RANBP2: variants seen among roughly 807,000 people sequenced by gnomAD.
The protein encoded by RANBP2 is RAN binding protein 2, also known as E3 SUMO-protein ligase RanBP2.
RANBP2 carries 57 observed loss-of-function variants against 303.6 expected under a neutral mutation model. That is an observed-to-expected ratio of 0.19 (90% CI 0.15 to 0.23). The LOEUF is 0.23. Ranked by LOEUF, RANBP2 falls within the 10% of genes least tolerant of loss-of-function variation. The pLI, the probability that RANBP2 is intolerant of heterozygous loss-of-function variation, is 1.00. For synonymous variants in RANBP2, 1,167 were observed against 1,301.5 expected (o/e 0.90, Z 2.23); for missense variants, 3,138 against 3,780.8 (o/e 0.83, Z 4.46).
At chr2:108,794,718 G>C in the RANBP2 span, 2 of 1,602,072 alleles carry the variant, frequency 1.2e-6, no homozygotes, top group African/African-American at 2.7e-5. Context: ...ATCTGAAATT[G>C]CAGGTAAGAA....
chr2:109,600,345 T>C, the RANBP2 span, among the ~76,000 whole-genome samples: 1 of 152,118 alleles, frequency 6.6e-6, no homozygotes, highest in Admixed American at 6.5e-5. Context: ...TCTCCTACAC[T>C]GCTAGCTCCT....
intron 20 of RANBP2, among the ~76,000 whole-genome samples, chr2:108,771,067 G>A (rs1677463359): frequency 6.6e-6 from 1 of 151,786 alleles, no homozygotes; most frequent in Non-Finnish European, 1.5e-5. Flanking sequence ...CCTTTGCATT[G>A]ATGGTGGCTG....
chr2:109,567,968 AAT>A, the RANBP2 span: 1 of 1,595,754 alleles, frequency 6.3e-7, no homozygotes, highest in South Asian at 1.1e-5. Context: ...TCACTGGTAT[AAT>A]GTTTACCTAT....
chr2:109,018,889 G>GT, the RANBP2 span, among the ~76,000 whole-genome samples: 31 of 152,220 alleles, frequency 2.0e-4, no homozygotes, highest in Admixed American at 2.0e-3. Flanking sequence ...GAGAGTAAGT[G>GT]TTTGCTCACC....
the RANBP2 span, among the ~76,000 whole-genome samples, chr2:109,123,980 TTTTATTTATTTATTTATTTATTTA>T: frequency 2.0e-5 from 3 of 147,508 alleles, no homozygotes; most frequent in Non-Finnish European, 3.0e-5. Context: ...TTCTTTTCAG[TTTTATTTATTTATTTATTTATTTA>T]TTTATTTATT....
chr2:109,347,030 G>A, the RANBP2 span, among the ~76,000 whole-genome samples: 4 of 152,120 alleles, frequency 2.6e-5, no homozygotes, highest in African/African-American at 2.4e-5. Context: ...TGTGTGTACC[G>A]CTGGCCATGA....
chr2:109,382,888 C>T, the RANBP2 span, among the ~76,000 whole-genome samples: 20 of 152,244 alleles, frequency 1.3e-4, no homozygotes, highest in Admixed American at 1.3e-3. Context: ...TGCAGCTTCT[C>T]CTCCCACCAT....
At chr2:109,542,834 ACT>A in the RANBP2 span, 1 of 152,318 alleles carries the variant, frequency 6.6e-6, no homozygotes, top group African/African-American at 2.4e-5. Context: ...AACTTAGATG[ACT>A]CTATGATTGC....
chr2:109,406,878 A>AG, the RANBP2 span, among the ~76,000 whole-genome samples: 7,740 of 152,174 alleles, frequency 0.051, 372 homozygotes, highest in African/African-American at 0.12. Context: ...CGCCCTGTTG[A>AG]GGGGTGGGCA....
At chr2:108,952,983 T>C in the RANBP2 span, among the ~76,000 whole-genome samples, 1 of 152,204 alleles carries the variant, frequency 6.6e-6, no homozygotes, top group Non-Finnish European at 1.5e-5. Flanking sequence ...TCTGAGGTCT[T>C]TTTAAAAAAC....
At chr2:109,057,068 T>A in the RANBP2 span, among the ~76,000 whole-genome samples, 1 of 152,238 alleles carries the variant, frequency 6.6e-6, no homozygotes, top group East Asian at 1.9e-4. Context: ...ATTACCCAGT[T>A]ATCTTTTGAA....
the RANBP2 span, among the ~76,000 whole-genome samples, chr2:109,059,618 A>G: frequency 6.6e-6 from 1 of 150,722 alleles, no homozygotes; most frequent in African/African-American, 2.4e-5. Flanking sequence ...TGTCCAGGGC[A>G]GGGAGCAACT....
At chr2:109,677,766 A>G in the RANBP2 span, among the ~76,000 whole-genome samples, 9 of 152,192 alleles carry the variant, frequency 5.9e-5, no homozygotes, top group Non-Finnish European at 8.8e-5. Flanking sequence ...TCTTTCCTAA[A>G]TAAAGCCAAG....
At chr2:109,279,424 T>A in the RANBP2 span, among the ~76,000 whole-genome samples, 1 of 152,206 alleles carries the variant, frequency 6.6e-6, no homozygotes, top group Non-Finnish European at 1.5e-5. Context: ...TCCCTTGACC[T>A]CCTCCTGTCT....
the RANBP2 span, among the ~76,000 whole-genome samples, chr2:109,640,457 A>G: frequency 6.6e-6 from 1 of 152,176 alleles, no homozygotes; most frequent in Non-Finnish European, 1.5e-5. Context: ...ATCTTAAATA[A>G]ATAAATAAAT....
chr2:109,491,258 C>T, the RANBP2 span, among the ~76,000 whole-genome samples: 28 of 152,308 alleles, frequency 1.8e-4, no homozygotes, highest in African/African-American at 5.8e-4. Context: ...TCTGTGCCCC[C>T]TCAACCCTGG....
At chr2:109,250,507 A>G in the RANBP2 span, among the ~76,000 whole-genome samples, 1 of 151,932 alleles carries the variant, frequency 6.6e-6, no homozygotes, top group South Asian at 2.1e-4. Flanking sequence ...AAATGGAATA[A>G]TAATGGACTG....
At chr2:108,753,203 A>T (rs1477832798) in intron 13 of RANBP2, 44 bp downstream of exon 13, 2 of 1,611,470 alleles carry the variant, frequency 1.2e-6, no homozygotes, top group Non-Finnish European at 1.7e-6. Context: ...GGGAATTTCC[A>T]GTTTATAAAC....
Position 108,765,822 on chromosome 2 carries a change from A to G in RANBP2, c.5283A>G (p.Thr1761=), listed in dbSNP as rs748836454. 4.3e-6 allele frequency: 7 copies of G among 1,614,074 alleles called. No individual in the cohort carries two copies. In the Admixed American group the frequency reaches 1.2e-4, roughly 27 times the overall value. The change falls in exon 20 of 29, where the codon ACA becomes ACG. Residue 1761 remains threonine, a synonymous_variant. Coordinates refer to ENST00000283195, the MANE Select transcript of RANBP2 (RefSeq NM_006267.5). ...AAAATCAAACAACTGCAATTTCAAC[A>G]CCTGCCTCTTCGGAGATAAGCAAGG... ...SKQNQTTAIS[T]PASSEISKAP...
Sources: allele counts gnomAD v4.1 joint callset (sites outside exome capture counted in the v4.1 genomes callset), GRCh38; gene constraint gnomAD v4.1.1; transcripts MANE v1.5; gene names NCBI Gene and HGNC (gene_info 2026-07-23, HGNC 2026-07-21).